The following RGS12 variants were observed in gnomAD, a reference collection of about 807,000 sequenced individuals.
The protein encoded by RGS12 is regulator of G protein signaling 12, also known as regulator of G-protein signaling 12.
In RGS12, 66 loss-of-function variants were observed where a neutral mutation model predicts 120.1. The ratio of observed to expected loss-of-function variants is 0.55; its 90% CI spans 0.45 to 0.67. RGS12 has a LOEUF of 0.67. Ranked by LOEUF, RGS12 falls within the 30% of genes least tolerant of loss-of-function variation. The pLI is 0.00. For synonymous variants in RGS12, 827 were observed against 804.7 expected, an observed-to-expected ratio of 1.03 and a Z score of -0.47; for missense variants, 1,859 against 1,957.7, an observed-to-expected ratio of 0.95 and a Z score of 0.95.
At chr4:3,409,979 C>G (rs1237976631) in intron 4 of RGS12, among the ~76,000 whole-genome samples, 2 of 152,248 alleles carry the variant, frequency 1.3e-5, no homozygotes, top group Admixed American at 1.3e-4. Flanking sequence ...GCTCCCTGCT[C>G]TGCCCAGCTC....
intron 4 of RGS12, among the ~76,000 whole-genome samples, chr4:3,393,706 A>G (rs762700929): frequency 6.6e-6 from 1 of 151,926 alleles, no homozygotes; most frequent in African/African-American, 2.4e-5. Flanking sequence ...TATTTTGTCT[A>G]CTATTCTACT....
chr4:3,421,166 CCT>C (rs1370830141), intron 10 of RGS12, among the ~76,000 whole-genome samples: 1 of 152,178 alleles, frequency 6.6e-6, no homozygotes, highest in Non-Finnish European at 1.5e-5. Context: ...TCACCCACAC[CCT>C]CTCACACCTG....
intron 17 of RGS12, among the ~76,000 whole-genome samples, chr4:3,439,039 C>G (rs1725067999): frequency 6.6e-6 from 1 of 152,104 alleles, no homozygotes; most frequent in Admixed American, 6.5e-5. Context: ...GAACTGAACC[C>G]TAGTGCTCAG....
intron 1 of RGS12, among the ~76,000 whole-genome samples, chr4:3,305,357 G>C (rs1244949458): frequency 1.3e-5 from 2 of 152,164 alleles, no homozygotes; most frequent in Admixed American, 6.5e-5. Context: ...ACCTGTCACT[G>C]TGCACCTGCT....
At chr4:3,421,834 G>A (rs1163662858) in intron 10 of RGS12, among the ~76,000 whole-genome samples, 10 of 152,244 alleles carry the variant, frequency 6.6e-5, no homozygotes, top group Admixed American at 4.6e-4. Context: ...CACAGATACA[G>A]GGAAGGGGAT....
chr4:3,386,329 C>T (rs980288383), intron 3 of RGS12, 87 bp from the exon 4 acceptor site: 2 of 1,271,050 alleles, frequency 1.6e-6, no homozygotes, highest in Non-Finnish European at 2.3e-6. Flanking sequence ...CAGAGTCTGC[C>T]CCTTGTGTTC....
chr4:3,373,040 C>T (rs557881823), intron 3 of RGS12, among the ~76,000 whole-genome samples: 46 of 152,248 alleles, frequency 3.0e-4, no homozygotes, highest in Non-Finnish European at 4.6e-4. Context: ...ACAGAGGATG[C>T]GGTGAGACCT....
Position 3,430,537 on chromosome 4 carries a change from C to G in RGS12, c.3696C>G (p.Pro1232=), listed in dbSNP as rs1473334949. Residue 1232 remains proline, a synonymous_variant, in exon 17 of 18, where the codon CCC becomes CCG. Coordinates refer to ENST00000336727, the MANE Select transcript of RGS12 (RefSeq NM_001394154.1). ...LPPGSTELTL[P]TPAAVAKGFS... ...CTGGTTCCACAGAACTCACCCTCCC[C>G]ACTCCAGCTGCTGTGGCCAAGGGCT... 1.9e-6 allele frequency: 3 copies of G among 1,613,398 alleles called. No homozygotes were observed. Among genetic ancestry groups the G allele is most frequent in the South Asian group, 1.1e-5 (1 of 91,092 alleles).
At chr4:3,356,662 CT>C (rs1375253736) in intron 3 of RGS12, among the ~76,000 whole-genome samples, 1 of 151,638 alleles carries the variant, frequency 6.6e-6, no homozygotes, top group African/African-American at 2.4e-5. Context: ...CTTTTTGTAA[CT>C]GGCTTATTTC....
chr4:3,383,742 A>C (rs867757856), intron 3 of RGS12, among the ~76,000 whole-genome samples: 14 of 152,248 alleles, frequency 9.2e-5, no homozygotes, highest in Admixed American at 3.3e-4. Flanking sequence ...AGAGCCTCCC[A>C]GAGGCTCTGG....
chr4:3,383,331 G>T (rs1718463082), intron 3 of RGS12, among the ~76,000 whole-genome samples: 1 of 152,082 alleles, frequency 6.6e-6, no homozygotes, highest in Non-Finnish European at 1.5e-5. Flanking sequence ...TTTGGGTGGG[G>T]CATGGAGGCT....
rs958459294 is a variant in RGS12 at position 3,366,929 on chromosome 4, C to T, written c.1999-19487C>T. On this transcript the variant is annotated intron_variant, in intron 3 of 17. Coordinates refer to ENST00000336727, the MANE Select transcript of RGS12 (RefSeq NM_001394154.1). The surrounding 1 kb of genome is among the most constrained non-coding windows in gnomAD (Gnocchi z 4.0). ...GCCTCTCCTGGCCCCAGGACATAGCCCACGTGGGTCCTCACCTCTGCCCGG... is the reference window on the plus strand; with the variant it reads ...GCCTCTCCTGGCCCCAGGACATAGCTCACGTGGGTCCTCACCTCTGCCCGG... Among the ~76,000 whole-genome samples the T allele has an allele frequency of 6.6e-6, 1 of 152,198 alleles. No homozygotes were observed. Among genetic ancestry groups the T allele is most frequent in the Non-Finnish European group, 1.5e-5 (1 of 68,018 alleles).
chr4:3,349,279 C>T (rs1227573213), intron 3 of RGS12, among the ~76,000 whole-genome samples: 1 of 152,194 alleles, frequency 6.6e-6, no homozygotes, highest in Non-Finnish European at 1.5e-5. Flanking sequence ...CCTTCGATGA[C>T]ATCCTTAAGC....
At position 3,414,284 on chromosome 4, in the gene RGS12, C is replaced by T. The variant is rs1577071479; in HGVS notation, c.2190+43C>T. On this transcript the variant is annotated intron_variant, in intron 5 of 17. Coordinates refer to ENST00000336727, the MANE Select transcript of RGS12 (RefSeq NM_001394154.1). Reference sequence around the variant, plus strand: ...CAGGAGCAGCGGAGCGGTCTGTGCTCTGCAGAGACTACCGAGCAGGATCTG... The same window carrying T: ...CAGGAGCAGCGGAGCGGTCTGTGCTTTGCAGAGACTACCGAGCAGGATCTG... The T allele has an allele frequency of 4.0e-6, 6 of 1,489,908 alleles. No individual in the cohort carries two copies. The East Asian group carries it at 1.5e-4, about 37-fold the overall frequency. 92.3% of individuals were successfully genotyped at this position (1,489,908 alleles called of 1,614,324 possible). A position where few individuals can be genotyped will look rare whatever the true frequency, so the allele number is the denominator to read the frequency against.
intron 3 of RGS12, chr4:3,369,980 C>G: frequency 1.7e-6 from 2 of 1,201,236 alleles, no homozygotes; most frequent in Non-Finnish European, 2.1e-6. Flanking sequence ...GAAATTACCC[C>G]TGTCGGCCGA....
intron 2 of RGS12, among the ~76,000 whole-genome samples, chr4:3,325,507 G>A (rs967133409): frequency 6.6e-6 from 1 of 152,150 alleles, no homozygotes; most frequent in Admixed American, 6.5e-5. Context: ...GTTATCAAAA[G>A]GGTGGGTCTG....
chr4:3,313,845 C>T (rs1034210221), intron 1 of RGS12, among the ~76,000 whole-genome samples: 2 of 152,176 alleles, frequency 1.3e-5, no homozygotes, highest in Non-Finnish European at 2.9e-5. Context: ...CACGTGGTCA[C>T]GTGGATGGGA....
chr4:3,378,474 A>G (rs1435265572), intron 3 of RGS12: 1 of 152,248 alleles, frequency 6.6e-6, no homozygotes. Flanking sequence ...AAAATGAAAA[A>G]CGAACCTGTG....
Position 3,321,744 on chromosome 4 carries a change from A to G in RGS12, c.1881+3693A>G, listed in dbSNP as rs1341664201. ...AGTGGACTGCAGGCATGTGGTGTCC[A>G]GCGCGCTCTGAGGCCCAGGCCTGGG... On this transcript the variant is annotated intron_variant, in intron 2 of 17. Coordinates refer to ENST00000336727, the MANE Select transcript of RGS12 (RefSeq NM_001394154.1). Among the ~76,000 whole-genome samples the G allele has an allele frequency of 2.0e-5, 3 of 152,056 alleles. No individual in the cohort carries two copies. In the East Asian group the frequency reaches 5.8e-4, roughly 29 times the overall value.
Sources: allele counts gnomAD v4.1 joint callset (sites outside exome capture counted in the v4.1 genomes callset), GRCh38; gene constraint gnomAD v4.1.1; non-coding constraint Gnocchi (gnomAD v3.1); transcripts MANE v1.5; gene names NCBI Gene and HGNC (gene_info 2026-07-23, HGNC 2026-07-21).